The following SRRM4 variants were observed in gnomAD, a reference collection of about 807,000 sequenced individuals.
The protein encoded by SRRM4 is serine/arginine repetitive matrix protein 4.
Under a neutral mutation model 68.9 loss-of-function variants are expected in SRRM4, and 33 were observed. The ratio of observed to expected loss-of-function variants is 0.48; its 90% confidence interval spans 0.36 to 0.64. SRRM4 has a LOEUF of 0.64. SRRM4 is among the 30% of genes least tolerant of loss of function. SRRM4 has a pLI of 0.00. For missense variants in SRRM4, 817 were observed against 827.1 expected (o/e 0.99, Z 0.15); for synonymous variants, 318 against 318.8 (o/e 1.00, Z 0.03).
At position 119,045,204 on chromosome 12, in the gene SRRM4, T is replaced by A. The variant is rs374269745; in HGVS notation, c.132-57032T>A. On this transcript the variant is annotated intron_variant, in intron 1 of 12. Transcript: ENST00000267260. ...TGCAAAGCTGGGATTTGAACCCAGATATGCTTGCAGGCTCAAGACTTCCCA... is the reference window on the plus strand; with the variant it reads ...TGCAAAGCTGGGATTTGAACCCAGAAATGCTTGCAGGCTCAAGACTTCCCA... 1.6e-4 allele frequency among the ~76,000 whole-genome samples: 24 copies of A among 152,302 alleles called. No individual in the cohort carries two copies. The East Asian group carries it at 2.9e-3, about 18-fold the overall frequency.
chr12:119,009,747 G>A (rs935445306), intron 1 of SRRM4, among the ~76,000 whole-genome samples: 1 of 152,190 alleles, frequency 6.6e-6, no homozygotes, highest in African/African-American at 2.4e-5. Context: ...CAGGCACTGT[G>A]CTAGGAGTCA....
intron 5 of SRRM4, among the ~76,000 whole-genome samples, chr12:119,121,646 T>C (rs577768092): frequency 1.3e-5 from 2 of 152,324 alleles, no homozygotes; most frequent in East Asian, 3.9e-4. Context: ...ACCAAGTTTC[T>C]TTGCCCATCT....
chr12:119,101,378 A>G (rs73213722), intron 1 of SRRM4, among the ~76,000 whole-genome samples: 5,814 of 152,176 alleles, frequency 0.038, 128 homozygotes, highest in African/African-American at 0.052. Context: ...ACGCCTCAGT[A>G]TTCTCTGCAG....
At chr12:119,040,280 A>G (rs1483059889) in intron 1 of SRRM4, among the ~76,000 whole-genome samples, 2 of 151,850 alleles carry the variant, frequency 1.3e-5, no homozygotes, top group Non-Finnish European at 2.9e-5. Flanking sequence ...GATTTGTGAG[A>G]TCCTGGTGCA....
chr12:119,029,896 T>C (rs1411659974), intron 1 of SRRM4, among the ~76,000 whole-genome samples: 3 of 152,108 alleles, frequency 2.0e-5, no homozygotes, highest in Admixed American at 6.5e-5. Flanking sequence ...CGAATTCTAA[T>C]GTAGGGGAAT....
chr12:119,101,339 C>T (rs773600277), intron 1 of SRRM4, among the ~76,000 whole-genome samples: 3 of 152,106 alleles, frequency 2.0e-5, no homozygotes, highest in Non-Finnish European at 4.4e-5. Flanking sequence ...CTCTCAGGAA[C>T]TCCCATAAAG....
At chr12:118,982,528 C>A (rs1302291233) in intron 1 of SRRM4, among the ~76,000 whole-genome samples, 7 of 152,078 alleles carry the variant, frequency 4.6e-5, no homozygotes, top group Non-Finnish European at 8.8e-5. Context: ...AAAACAGCAC[C>A]CTCCTCCACG....
chr12:119,113,733 G>A (rs147765991), intron 2 of SRRM4, among the ~76,000 whole-genome samples: 461 of 152,288 alleles, frequency 3.0e-3, no homozygotes, highest in Admixed American at 5.1e-3. Flanking sequence ...CTCAGCATTT[G>A]AATTTAATTG....
chr12:119,041,653 T>C (rs557461276), intron 1 of SRRM4, among the ~76,000 whole-genome samples: 1 of 152,302 alleles, frequency 6.6e-6, no homozygotes, highest in African/African-American at 2.4e-5. Flanking sequence ...TCTTTAGCTT[T>C]TGTAGGATGC....
intron 1 of SRRM4, among the ~76,000 whole-genome samples, chr12:119,011,395 C>T (rs1001770481): frequency 2.0e-5 from 3 of 152,202 alleles, no homozygotes; most frequent in African/African-American, 7.2e-5. Context: ...GGCCTCTACC[C>T]ACTAGATGTC....
chr12:119,122,300 A>AAGGAAGGAAGGAAGGC (rs1954226278), intron 6 of SRRM4, among the ~76,000 whole-genome samples, 180 bp downstream of exon 6: 3 of 67,014 alleles, frequency 4.5e-5, no homozygotes, highest in African/African-American at 1.4e-4. Context: ...GGCAGGAAGG[A>AAGGAAGGAAGGAAGGC]AGGAAGGAAG....
chr12:119,088,352 C>T (rs374360618), intron 1 of SRRM4, among the ~76,000 whole-genome samples: 1 of 152,094 alleles, frequency 6.6e-6, no homozygotes, highest in Non-Finnish European at 1.5e-5. Context: ...AAGTCATGCA[C>T]CCCCCTCAAC....
At chr12:119,129,037 G>A (rs1954277503) in intron 7 of SRRM4, among the ~76,000 whole-genome samples, 1 of 152,198 alleles carries the variant, frequency 6.6e-6, no homozygotes, top group Non-Finnish European at 1.5e-5. Context: ...GGGCACTCCA[G>A]GGCATGAATC....
At chr12:119,155,507 C>T (rs1381876327) in intron 12 of SRRM4, among the ~76,000 whole-genome samples, 2 of 152,210 alleles carry the variant, frequency 1.3e-5, no homozygotes, top group Admixed American at 6.5e-5. Flanking sequence ...CCAAGGCAGG[C>T]GGATTGCTGG....
At chr12:119,097,473 G>A (rs1197468183) in intron 1 of SRRM4, among the ~76,000 whole-genome samples, 7 of 152,230 alleles carry the variant, frequency 4.6e-5, no homozygotes, top group Admixed American at 3.3e-4. Flanking sequence ...GAAGCTACAC[G>A]ACGGTTTCCT....
Position 119,159,749 on chromosome 12 carries a change from G to A in SRRM4, c.*2951G>A, listed in dbSNP as rs1954498149. On this transcript the variant is annotated 3_prime_UTR_variant, in exon 13 of 13. Transcript: ENST00000267260. ...AGTACCTAATTTCTCTCTGTCCCCT[G>A]AGATCTGAAGGCTACCTTGGGAAGA... 6.6e-6 allele frequency: 1 copy of A among 152,134 alleles called. No individual in the cohort carries two copies. Among genetic ancestry groups the A allele is most frequent in the Admixed American group, 6.5e-5 (1 of 15,278 alleles). The allele number at this position is 152,134 out of a possible 1,614,324, so 9.4% of individuals were successfully genotyped here.
intron 2 of SRRM4, among the ~76,000 whole-genome samples, chr12:119,106,178 T>C (rs1194203984): frequency 2.6e-5 from 4 of 152,240 alleles, no homozygotes; most frequent in Non-Finnish European, 5.9e-5. Context: ...ATCTCTGTTT[T>C]GGTACCAGTA....
chr12:119,080,949 C>G (rs1424875294), intron 1 of SRRM4, among the ~76,000 whole-genome samples: 1 of 152,192 alleles, frequency 6.6e-6, no homozygotes, highest in Non-Finnish European at 1.5e-5. Context: ...CCAATCCGCA[C>G]CTTTCTTTCC....
chr12:119,013,529 C>T (rs1027156772), intron 1 of SRRM4, among the ~76,000 whole-genome samples: 1 of 152,192 alleles, frequency 6.6e-6, no homozygotes, highest in Non-Finnish European at 1.5e-5. Flanking sequence ...CTTTTAGACA[C>T]AACTACTATT....
Sources: gnomAD v4.1 joint callset for allele counts (sites outside exome capture counted in the v4.1 genomes callset) on GRCh38, gnomAD v4.1.1 for gene constraint, MANE v1.5 for transcripts, NCBI Gene and HGNC (gene_info 2026-07-23, HGNC 2026-07-21) for gene names.